The following ACTR3B variants were observed in gnomAD, a reference collection of about 807,000 sequenced individuals.
The protein encoded by ACTR3B is actin related protein 3B.
A neutral mutation model predicts 59.0 loss-of-function variants in ACTR3B; 8 were observed. The ratio of observed to expected loss-of-function variants is 0.14; its 90% CI spans 0.08 to 0.24. The LOEUF (loss-of-function observed/expected upper bound fraction) is 0.24. ACTR3B is among the 10% of genes least tolerant of loss of function. The pLI is 1.00. For synonymous variants in ACTR3B, 148 were observed against 197.9 expected (o/e 0.75, Z 2.12); for missense variants, 245 against 552.3 (o/e 0.44, Z 5.58).
Position 152,814,653 on chromosome 7 carries a change from C to A in ACTR3B, c.432+8C>A, listed in dbSNP as rs367783555. 6.2e-5 allele frequency: 99 copies of A among 1,608,412 alleles called. No homozygotes were observed. The highest frequency in any genetic ancestry group is 7.7e-5 in the Non-Finnish European group (91 of 1,175,428). ...CTCTACATTGCAGTTCAGGTAAAAC[C>A]AGTTACGTTTGTGATTCCTAAAGCA... On this transcript the variant is annotated splice_region_variant and intron_variant, in intron 5 of 11. Coordinates refer to ENST00000256001, the MANE Select transcript of ACTR3B (RefSeq NM_020445.6).
At chr7:152,835,920 G>A (rs1219972629) in intron 9 of ACTR3B, among the ~76,000 whole-genome samples, 1 of 151,192 alleles carries the variant, frequency 6.6e-6, no homozygotes, top group South Asian at 2.1e-4. Flanking sequence ...GCCCATGCGA[G>A]GTGCTCAGTA....
At chr7:152,763,176 TGTG>T (rs1356206013) in intron 1 of ACTR3B, among the ~76,000 whole-genome samples, 2 of 151,034 alleles carry the variant, frequency 1.3e-5, no homozygotes, top group Non-Finnish European at 3.0e-5. Context: ...ATTAGCTGGG[TGTG>T]GTGGTGCGTG....
Position 152,766,366 on chromosome 7 carries a change from A to T in ACTR3B, c.44+6440A>T, listed in dbSNP as rs557797969. On this transcript the variant is annotated intron_variant, in intron 1 of 11. Coordinates refer to ENST00000256001, the MANE Select transcript of ACTR3B (RefSeq NM_020445.6). ...TTCACTGGGGACTTGTCATGCAGGC[A>T]CCCTGTGCATAGCACGTGCCGGAAT... Among the ~76,000 whole-genome samples the T allele has an allele frequency of 4.6e-5, 7 of 152,296 alleles. No homozygotes were observed. The South Asian group carries it at 1.5e-3, about 32-fold the overall frequency.
intron 1 of ACTR3B, among the ~76,000 whole-genome samples, chr7:152,766,573 A>G (rs551320088): frequency 6.6e-6 from 1 of 152,338 alleles, no homozygotes; most frequent in East Asian, 1.9e-4. Flanking sequence ...TCTCAGGCCC[A>G]TTAACTTTCT....
intron 9 of ACTR3B, among the ~76,000 whole-genome samples, chr7:152,845,454 G>A (rs1021989207): frequency 6.6e-6 from 1 of 152,218 alleles, no homozygotes; most frequent in Non-Finnish European, 1.5e-5. Flanking sequence ...CTGTGGCCAC[G>A]CTGATGGTGC....
chr7:152,798,785 G>A (rs900134025), intron 2 of ACTR3B, among the ~76,000 whole-genome samples: 8 of 152,018 alleles, frequency 5.3e-5, no homozygotes, highest in South Asian at 2.1e-4. Flanking sequence ...CACTTTGCCC[G>A]TTGTGTAAAA....
At chr7:152,811,923 CCTT>C (rs1466845583) in intron 4 of ACTR3B, 5 of 141,712 alleles carry the variant, frequency 3.5e-5, no homozygotes, top group South Asian at 2.3e-4. Context: ...TACACTCTCT[CCTT>C]CTTTCCTTGT....
At chr7:152,800,155 G>A (rs1250518686) in intron 2 of ACTR3B, among the ~76,000 whole-genome samples, 1 of 152,126 alleles carries the variant, frequency 6.6e-6, no homozygotes, top group East Asian at 1.9e-4. Flanking sequence ...CTCCTTTTCT[G>A]TATTGTACAG....
chr7:152,760,108 C>T (rs2098084551), intron 1 of ACTR3B, among the ~76,000 whole-genome samples, 182 bp downstream of exon 1: 1 of 152,206 alleles, frequency 6.6e-6, no homozygotes, highest in South Asian at 2.1e-4. Flanking sequence ...GTAAAACCCC[C>T]TCTTCCCTGC....
chr7:152,760,039 GA>G, intron 1 of ACTR3B, 113 bp downstream of exon 1: 1 of 1,001,368 alleles, frequency 1.0e-6, no homozygotes, highest in Non-Finnish European at 1.3e-6. Flanking sequence ...TGAGCCCCGC[GA>G]TCACCTGGGC....
intron 9 of ACTR3B, among the ~76,000 whole-genome samples, chr7:152,847,767 CAT>C (rs1161762355): frequency 2.6e-5 from 4 of 152,142 alleles, no homozygotes; most frequent in Non-Finnish European, 2.9e-5. Flanking sequence ...GCCCCTGGGA[CAT>C]ATGATTAAGG....
At chr7:152,786,247 C>CT (rs1411485112) in intron 2 of ACTR3B, among the ~76,000 whole-genome samples, 2 of 116,488 alleles carry the variant, frequency 1.7e-5, no homozygotes, top group Non-Finnish European at 3.5e-5. Context: ...GAGAGTTAGG[C>CT]TGCAGCTAGA....
Position 152,767,072 on chromosome 7 carries a change from G to A in ACTR3B, c.44+7146G>A, listed in dbSNP as rs1355193434. ...CAAAGTGCTGGGATTATAGATGTGA[G>A]CCACTGTGCCCAGCTGGTAGGTTTT... On this transcript the variant is annotated intron_variant, in intron 1 of 11. Coordinates refer to ENST00000256001, the MANE Select transcript of ACTR3B (RefSeq NM_020445.6). Among the ~76,000 whole-genome samples, 7 of 148,240 alleles carry A rather than the reference G, an allele frequency of 4.7e-5. No individual in the cohort carries two copies. The East Asian group carries it at 1.4e-3, about 29-fold the overall frequency.
At chr7:152,798,292 T>C (rs2098224237) in intron 2 of ACTR3B, among the ~76,000 whole-genome samples, 2 of 152,248 alleles carry the variant, frequency 1.3e-5, no homozygotes, top group Non-Finnish European at 1.5e-5. Flanking sequence ...ATTAGTGATG[T>C]TGAGCATTTT....
rs1486688475 is a variant in ACTR3B, at chr7:152,789,437, G to A, written c.100+6195G>A. ...GACAACTCTTCCATAGTTTTTGCTA[G>A]CTTTATTTTTAGGTACCTTTAAGTT... On this transcript the variant is annotated intron_variant, in intron 2 of 11. Coordinates refer to ENST00000256001, the MANE Select transcript of ACTR3B (RefSeq NM_020445.6). Among the ~76,000 whole-genome samples, 6 of 150,750 alleles carry A rather than the reference G, an allele frequency of 4.0e-5. No individual in the cohort carries two copies. The East Asian group carries it at 1.2e-3, about 29-fold the overall frequency.
intron 4 of ACTR3B, chr7:152,811,671 G>C (rs924319598): frequency 2.0e-5 from 3 of 152,062 alleles, no homozygotes; most frequent in African/African-American, 7.2e-5. Flanking sequence ...AGTATAATTT[G>C]ATATATTTAC....
At chr7:152,820,696 G>C (rs1481721397) in intron 7 of ACTR3B, among the ~76,000 whole-genome samples, 2 of 152,234 alleles carry the variant, frequency 1.3e-5, no homozygotes, top group Non-Finnish European at 2.9e-5. Flanking sequence ...TGCAGAGGCA[G>C]CATTGTTCAG....
At chr7:152,772,206 G>T (rs1364907572) in intron 1 of ACTR3B, among the ~76,000 whole-genome samples, 4 of 151,730 alleles carry the variant, frequency 2.6e-5, no homozygotes, top group Non-Finnish European at 4.4e-5. Context: ...TGTGCCAAAA[G>T]ATGATGAAGC....
chr7:152,768,462 G>C (rs1253750363), intron 1 of ACTR3B, among the ~76,000 whole-genome samples: 1 of 152,016 alleles, frequency 6.6e-6, no homozygotes, highest in Admixed American at 6.6e-5. Flanking sequence ...GGCCTAAGAG[G>C]GTTTGCGAAT....
Sources: gnomAD v4.1 joint callset for allele counts (sites outside exome capture counted in the v4.1 genomes callset) on GRCh38, gnomAD v4.1.1 for gene constraint, MANE v1.5 for transcripts, NCBI Gene and HGNC (gene_info 2026-07-23, HGNC 2026-07-21) for gene names.